The following CNTNAP2 variants were observed in gnomAD, a reference collection of about 807,000 sequenced individuals.
CNTNAP2 encodes contactin-associated protein-like 2.
In CNTNAP2, 98 loss-of-function variants were observed where a neutral mutation model predicts 155.2. The ratio of observed to expected loss-of-function variants is 0.63; its 90% CI spans 0.54 to 0.75. The LOEUF (loss-of-function observed/expected upper bound fraction) is 0.75. CNTNAP2 is among the 30% of genes least tolerant of loss of function. The pLI is 0.00. For missense variants in CNTNAP2, 1,727 were observed against 1,688.1 expected, an observed-to-expected ratio of 1.02 and a Z score of -0.40; for synonymous variants, 651 against 631.2, an observed-to-expected ratio of 1.03 and a Z score of -0.47.
intron 1 of CNTNAP2, among the ~76,000 whole-genome samples, chr7:146,645,622 TC>T (rs1245705755): frequency 6.6e-6 from 1 of 152,172 alleles, no homozygotes; most frequent in Admixed American, 6.6e-5. Context: ...ATAACTGTAT[TC>T]TTTTTAACAG....
At chr7:146,624,634 G>A (rs1799389072) in intron 1 of CNTNAP2, among the ~76,000 whole-genome samples, 1 of 151,778 alleles carries the variant, frequency 6.6e-6, no homozygotes, top group Non-Finnish European at 1.5e-5. Flanking sequence ...GATGACTGTA[G>A]CTTTATTTGT....
intron 12 of CNTNAP2, among the ~76,000 whole-genome samples, chr7:147,613,006 G>A (rs747912002): frequency 8.6e-5 from 13 of 151,924 alleles, no homozygotes; most frequent in South Asian, 2.1e-4. Flanking sequence ...AATATTTAAT[G>A]TTCAAGAATT....
In CNTNAP2 at chr7:148,202,365, A is replaced by T. The variant is rs144897627; in HGVS notation, c.3011-14923A>T. On this transcript the variant is annotated intron_variant, in intron 18 of 23. Coordinates refer to ENST00000361727, the MANE Select transcript of CNTNAP2 (RefSeq NM_014141.6). ...TAATTTCTGGGGAAAAAATACATACATACATGTGTACATCCATACTTTCTG... is the reference window on the plus strand; with the variant it reads ...TAATTTCTGGGGAAAAAATACATACTTACATGTGTACATCCATACTTTCTG... Among the ~76,000 whole-genome samples, 1,091 of 152,306 alleles carry T rather than the reference A, an allele frequency of 7.2e-3. 61 individuals carry two copies. The highest frequency in any genetic ancestry group is 0.065 in the Admixed American group (1,001 of 15,290).
intron 1 of CNTNAP2, among the ~76,000 whole-genome samples, chr7:146,141,040 T>C (rs1797868760): frequency 1.3e-5 from 2 of 152,218 alleles, no homozygotes. Flanking sequence ...TGTATGTAGA[T>C]ACAAAGTATA....
At chr7:147,419,164 GT>G (rs1797247082) in intron 10 of CNTNAP2, among the ~76,000 whole-genome samples, 1 of 152,158 alleles carries the variant, frequency 6.6e-6, no homozygotes, top group Non-Finnish European at 1.5e-5. Context: ...GAAGTGTACG[GT>G]TTCAGAGTGA....
At chr7:146,920,270 C>T (rs544663344) in intron 3 of CNTNAP2, among the ~76,000 whole-genome samples, 17 of 151,862 alleles carry the variant, frequency 1.1e-4, no homozygotes, top group Non-Finnish European at 2.1e-4. Context: ...AAAAATTAGT[C>T]GATCATGGTG....
At chr7:147,714,953 G>A (rs539859445) in intron 13 of CNTNAP2, among the ~76,000 whole-genome samples, 1 of 152,124 alleles carries the variant, frequency 6.6e-6, no homozygotes, top group Non-Finnish European at 1.5e-5. Flanking sequence ...ATTCTTTTAA[G>A]ATTTTTTTCA....
At chr7:146,373,946 A>G (rs1224963814) in intron 1 of CNTNAP2, among the ~76,000 whole-genome samples, 2 of 152,206 alleles carry the variant, frequency 1.3e-5, no homozygotes, top group South Asian at 2.1e-4. Flanking sequence ...AATGTTTTAA[A>G]ACTTTCAATC....
chr7:147,148,791 G>A (rs1052847066), intron 8 of CNTNAP2, among the ~76,000 whole-genome samples: 2 of 152,098 alleles, frequency 1.3e-5, no homozygotes, highest in East Asian at 1.9e-4. Context: ...CACTGACTTC[G>A]GGAGTGAAGC....
chr7:146,735,388 T>G (rs1298931071), intron 1 of CNTNAP2, among the ~76,000 whole-genome samples: 1 of 152,086 alleles, frequency 6.6e-6, no homozygotes, highest in African/African-American at 2.4e-5. Flanking sequence ...CTGTCTCTAC[T>G]AAAAAATACA....
At chr7:148,408,579 C>G (rs1245020229) in intron 22 of CNTNAP2, among the ~76,000 whole-genome samples, 1 of 152,242 alleles carries the variant, frequency 6.6e-6, no homozygotes, top group Non-Finnish European at 1.5e-5. Flanking sequence ...CTGGTGCCAT[C>G]CAGTAGCCAG....
At chr7:147,545,496 A>G (rs1243388180) in intron 11 of CNTNAP2, among the ~76,000 whole-genome samples, 1 of 152,220 alleles carries the variant, frequency 6.6e-6, no homozygotes, top group Admixed American at 6.5e-5. Flanking sequence ...TAAAACAACA[A>G]TCACTTTATT....
At chr7:146,249,344 T>C (rs1799720376) in intron 1 of CNTNAP2, among the ~76,000 whole-genome samples, 2 of 152,326 alleles carry the variant, frequency 1.3e-5, no homozygotes, top group Admixed American at 6.5e-5. Flanking sequence ...TCTAGCTCCA[T>C]TGCTAAAAAA....
chr7:148,083,373 G>T (rs75426774), intron 15 of CNTNAP2, among the ~76,000 whole-genome samples: 1 of 152,120 alleles, frequency 6.6e-6, no homozygotes, highest in African/African-American at 2.4e-5. Flanking sequence ...ACTCCACTTC[G>T]GTTCCCTTCA....
chr7:147,049,294 T>C (rs1026481541), intron 4 of CNTNAP2, among the ~76,000 whole-genome samples: 9 of 152,208 alleles, frequency 5.9e-5, no homozygotes, highest in African/African-American at 1.9e-4. Context: ...ATTACACTTA[T>C]CTCTTTTCCA....
intron 1 of CNTNAP2, among the ~76,000 whole-genome samples, chr7:146,126,981 A>G (rs1584761821): frequency 6.6e-6 from 1 of 152,064 alleles, no homozygotes; most frequent in East Asian, 1.9e-4. Context: ...CTAGCTTATC[A>G]TCTATATCTA....
At chr7:146,616,509 C>G (rs1401597402) in intron 1 of CNTNAP2, among the ~76,000 whole-genome samples, 1 of 152,088 alleles carries the variant, frequency 6.6e-6, no homozygotes. Context: ...TCACTTAACC[C>G]CAGCTTCAAT....
intron 1 of CNTNAP2, among the ~76,000 whole-genome samples, chr7:146,295,705 T>C (rs539314758): frequency 1.3e-5 from 2 of 152,174 alleles, no homozygotes; most frequent in African/African-American, 4.8e-5. Flanking sequence ...CTTGTAGATC[T>C]AGCTCAATTG....
chr7:147,499,463 A>T (rs1051321359), intron 11 of CNTNAP2, among the ~76,000 whole-genome samples: 7 of 152,154 alleles, frequency 4.6e-5, no homozygotes, highest in African/African-American at 1.7e-4. Context: ...CGGGAGGCAG[A>T]GCTTGCAGTG....
Sources: gnomAD v4.1 joint callset for allele counts (sites outside exome capture counted in the v4.1 genomes callset) on GRCh38, gnomAD v4.1.1 for gene constraint, MANE v1.5 for transcripts, NCBI Gene and HGNC (gene_info 2026-07-23, HGNC 2026-07-21) for gene names.